DIRAS2: variants seen among roughly 807,000 people sequenced by gnomAD.
The protein encoded by DIRAS2 is DIRAS family GTPase 2.
In DIRAS2, 5 loss-of-function variants were observed where a neutral mutation model predicts 13.9. The observed-to-expected ratio is 0.36, with a 90% CI of 0.19 to 0.76. DIRAS2 has a LOEUF of 0.76. Among genes scored for constraint, DIRAS2 ranks in the 30% least tolerant of loss-of-function variants. DIRAS2 has a pLI of 0.53. For synonymous variants in DIRAS2, 111 were observed against 105.4 expected (o/e 1.05, Z -0.33); for missense variants, 191 against 263.0 (o/e 0.73, Z 1.89).
chr9:90,628,947 C>T (rs1029780843), intron 1 of DIRAS2, among the ~76,000 whole-genome samples: 5 of 152,292 alleles, frequency 3.3e-5, no homozygotes, highest in African/African-American at 7.2e-5. Context: ...CTCCGCCTCC[C>T]GGGTTCACGC....
rs74941915 is a variant in DIRAS2 at position 90,640,501 on chromosome 9, C to G, written c.-37+2251G>C. Among the ~76,000 whole-genome samples the G allele has an allele frequency of 1.5e-4, 23 of 152,308 alleles. No individual in the cohort carries two copies. The East Asian group carries it at 4.2e-3, about 28-fold the overall frequency. On this transcript the variant is annotated intron_variant, in intron 1 of 1. Transcript: ENST00000375765. ...GTAAATTTAACTCTTAAAAAGCCAT[C>G]AGCAATTTTGACAACATAAGAACCA...
chr9:90,637,890 G>A (rs866521869), intron 1 of DIRAS2, among the ~76,000 whole-genome samples: 1 of 152,270 alleles, frequency 6.6e-6, no homozygotes. Context: ...GCAGTCTCAG[G>A]CTTAGCAAGG....
chr9:90,629,240 C>T (rs1825301900), intron 1 of DIRAS2, among the ~76,000 whole-genome samples: 1 of 152,186 alleles, frequency 6.6e-6, no homozygotes. Flanking sequence ...GTGGTTCACA[C>T]GGTCGGTACT....
intron 1 of DIRAS2, among the ~76,000 whole-genome samples, chr9:90,640,953 A>G (rs1564023972): frequency 6.6e-6 from 1 of 152,054 alleles, no homozygotes; most frequent in African/African-American, 2.4e-5. Flanking sequence ...TCACAGATAC[A>G]CTCTCTTTTT....
intron 1 of DIRAS2, among the ~76,000 whole-genome samples, chr9:90,618,085 A>G (rs1229129927): frequency 2.6e-5 from 4 of 152,216 alleles, no homozygotes; most frequent in Non-Finnish European, 4.4e-5. Flanking sequence ...TTATGTAAAA[A>G]TTCAAGAGAC....
chr9:90,614,210 AACACACATATGCAC>A (rs1302466404), intron 1 of DIRAS2, among the ~76,000 whole-genome samples: 1 of 151,546 alleles, frequency 6.6e-6, no homozygotes, highest in Non-Finnish European at 1.5e-5. Context: ...TAAAAACACA[AACACACATATGCAC>A]ACACACATCA....
chr9:90,632,592 TTG>T (rs1299585345), intron 1 of DIRAS2, among the ~76,000 whole-genome samples: 1 of 152,234 alleles, frequency 6.6e-6, no homozygotes, highest in Non-Finnish European at 1.5e-5. Flanking sequence ...TTTAAAAAAT[TTG>T]TGTTTAATTC....
At chr9:90,625,576 A>T (rs540766318) in intron 1 of DIRAS2, among the ~76,000 whole-genome samples, 10 of 152,308 alleles carry the variant, frequency 6.6e-5, no homozygotes, top group South Asian at 2.1e-4. Context: ...TGAAGAGATA[A>T]TTCTTCCCCC....
At position 90,610,257 on chromosome 9, in the gene DIRAS2, T is replaced by C. The variant is rs908748578; in HGVS notation, c.*2971A>G. The C allele has an allele frequency of 2.5e-6, 1 of 394,218 alleles. No homozygotes were observed. The highest frequency in any genetic ancestry group is 4.5e-6 in the Non-Finnish European group (1 of 224,254). 24.4% of individuals were successfully genotyped at this position (394,218 alleles called of 1,614,324 possible). On this transcript the variant is annotated 3_prime_UTR_variant, in exon 2 of 2. Transcript: ENST00000375765. ...AGCATTTCTTAAATATTACAAACAG[T>C]GAAACAAATATACTAGCTTACAGAT...
At chr9:90,629,113 C>T (rs1344382775) in intron 1 of DIRAS2, among the ~76,000 whole-genome samples, 1 of 152,160 alleles carries the variant, frequency 6.6e-6, no homozygotes. Flanking sequence ...CTCGGCCTCC[C>T]AAAGTGTTAG....
At chr9:90,628,522 TACACACACAC>T (rs71360439) in intron 1 of DIRAS2, among the ~76,000 whole-genome samples, 15 of 149,264 alleles carry the variant, frequency 1.0e-4, no homozygotes, top group Middle Eastern at 3.5e-3. Context: ...ACAAAATTTA[TACACACACAC>T]ACACACACAC....
chr9:90,609,914 G>T lies in DIRAS2; in HGVS notation c.*3314C>A, dbSNP rs1365331183. 1 of 152,082 alleles carries T rather than the reference G, an allele frequency of 6.6e-6. No individual in the cohort carries two copies. The highest frequency in any genetic ancestry group is 1.5e-5 in the Non-Finnish European group (1 of 68,046). 9.4% of individuals were successfully genotyped at this position (152,082 alleles called of 1,614,324 possible). A position where few individuals can be genotyped will look rare whatever the true frequency, so the allele number is the denominator to read the frequency against. Reference sequence around the variant, plus strand: ...TGGCAACTAGAAACTTGTATGCAAGGGTGATTTTTATAACCGCAGAGTAAA... The same window carrying T: ...TGGCAACTAGAAACTTGTATGCAAGTGTGATTTTTATAACCGCAGAGTAAA... On this transcript the variant is annotated 3_prime_UTR_variant, in exon 2 of 2. Transcript: ENST00000375765.
At chr9:90,615,171 A>G (rs1287350238) in intron 1 of DIRAS2, among the ~76,000 whole-genome samples, 1 of 152,206 alleles carries the variant, frequency 6.6e-6, no homozygotes, top group African/African-American at 2.4e-5. Flanking sequence ...AAAATATTAA[A>G]CATAACTACC....
intron 1 of DIRAS2, among the ~76,000 whole-genome samples, chr9:90,640,577 A>C (rs1409768978): frequency 6.6e-6 from 1 of 152,190 alleles, no homozygotes; most frequent in Non-Finnish European, 1.5e-5. Flanking sequence ...ATCATAACCA[A>C]AATCAGTGTC....
At chr9:90,631,227 G>A (rs1825321909) in intron 1 of DIRAS2, among the ~76,000 whole-genome samples, 1 of 152,192 alleles carries the variant, frequency 6.6e-6, no homozygotes, top group Non-Finnish European at 1.5e-5. Flanking sequence ...CTGGCAGAGA[G>A]AGCAGCAGGT....
intron 1 of DIRAS2, among the ~76,000 whole-genome samples, chr9:90,640,573 A>G (rs975045123): frequency 7.9e-5 from 12 of 152,216 alleles, no homozygotes; most frequent in African/African-American, 2.9e-4. Flanking sequence ...AAAAATCATA[A>G]CCAAAATCAG....
In DIRAS2 at chr9:90,610,851, G is replaced by A. The variant is rs1398403167; in HGVS notation, c.*2377C>T. ...TGTCCTGAATGAAATCAGACTTTCA[G>A]TAATTACAAACTTCTCATGCTGATG... On this transcript the variant is annotated 3_prime_UTR_variant, in exon 2 of 2. Coordinates refer to ENST00000375765, the MANE Select transcript of DIRAS2 (RefSeq NM_017594.5). 3 of 156,722 alleles carry A rather than the reference G, an allele frequency of 1.9e-5. No individual in the cohort carries two copies. The highest frequency in any genetic ancestry group is 7.2e-5 in the African/African-American group (3 of 41,634). 9.7% of individuals were successfully genotyped at this position (156,722 alleles called of 1,614,324 possible). A position where few individuals can be genotyped will look rare whatever the true frequency, so the allele number is the denominator to read the frequency against.
At chr9:90,632,784 G>A (rs1312539364) in intron 1 of DIRAS2, among the ~76,000 whole-genome samples, 1 of 152,184 alleles carries the variant, frequency 6.6e-6, no homozygotes, top group Non-Finnish European at 1.5e-5. Flanking sequence ...ACTTGCCTTA[G>A]GCCAGAACAA....
chr9:90,642,217 C>T (rs188236040), intron 1 of DIRAS2, among the ~76,000 whole-genome samples: 2 of 152,234 alleles, frequency 1.3e-5, no homozygotes, highest in East Asian at 3.8e-4. Context: ...CCATCTTCTG[C>T]TCTTACAACA....
Sources: allele counts gnomAD v4.1 joint callset (sites outside exome capture counted in the v4.1 genomes callset), GRCh38; gene constraint gnomAD v4.1.1; transcripts MANE v1.5; gene names NCBI Gene and HGNC (gene_info 2026-07-23, HGNC 2026-07-21).